MAP2K3: variants seen among roughly 807,000 people sequenced by gnomAD.
MAP2K3 encodes mitogen-activated protein kinase kinase 3.
Under a neutral mutation model 46.4 loss-of-function variants are expected in MAP2K3, and 30 were observed. The ratio of observed to expected loss-of-function variants is 0.65; its 90% CI spans 0.48 to 0.88. The LOEUF is 0.88. Among genes scored for constraint, MAP2K3 ranks in the 40% least tolerant of loss-of-function variants. The pLI is 0.00. For missense variants in MAP2K3, 380 were observed against 464.5 expected (o/e 0.82, Z 1.67); for synonymous variants, 189 against 176.3 (o/e 1.07, Z -0.57).
intron 1 of MAP2K3, chr17:21,291,852 T>G: frequency 3.0e-6 from 1 of 336,436 alleles, no homozygotes; most frequent in Non-Finnish European, 5.8e-6. Flanking sequence ...GGAGCATGGC[T>G]TTGTCTTTAC....
At chr17:21,301,997 G>T (rs1340718432) in intron 5 of MAP2K3, 146 bp from the exon 6 acceptor site, 2 of 788,684 alleles carry the variant, frequency 2.5e-6, no homozygotes, top group East Asian at 5.2e-5. Flanking sequence ...GTGGGTGGTG[G>T]GTGGGAGCCC....
At chr17:21,292,846 C>T (rs1976020017) in intron 1 of MAP2K3, among the ~76,000 whole-genome samples, 1 of 152,312 alleles carries the variant, frequency 6.6e-6, no homozygotes, top group Admixed American at 6.5e-5. Flanking sequence ...CTTCCTGTCC[C>T]TGGGAGGCCA....
intron 1 of MAP2K3, among the ~76,000 whole-genome samples, chr17:21,293,842 T>G (rs1976085633): frequency 6.6e-6 from 1 of 152,312 alleles, no homozygotes; most frequent in Non-Finnish European, 1.5e-5. Context: ...GGCACTTGGT[T>G]AGATGGGAGA....
chr17:21,310,476 CAG>C (rs1432296815), intron 9 of MAP2K3, among the ~76,000 whole-genome samples: 1 of 152,152 alleles, frequency 6.6e-6, no homozygotes, highest in Non-Finnish European at 1.5e-5. Context: ...ACTGATGAAA[CAG>C]AGTCGGGAGA....
At chr17:21,287,968 C>G in intron 1 of MAP2K3, 1 of 1,230,660 alleles carries the variant, frequency 8.1e-7, no homozygotes, top group Non-Finnish European at 1.1e-6. Flanking sequence ...GGGGACTTCC[C>G]CCACCCCTCT....
At chr17:21,303,303 CG>C in intron 7 of MAP2K3, 69 bp downstream of exon 7, 1 of 1,605,816 alleles carries the variant, frequency 6.2e-7, no homozygotes, top group Non-Finnish European at 8.5e-7. Context: ...GGCGGGTGGA[CG>C]TCTCCCTATG....
intron 9 of MAP2K3, among the ~76,000 whole-genome samples, chr17:21,306,825 G>C (rs1976910524): frequency 6.6e-6 from 1 of 152,302 alleles, no homozygotes; most frequent in Admixed American, 6.5e-5. Context: ...TCACTCTGTT[G>C]CTCAGGCTGG....
At chr17:21,290,075 C>T (rs1380496285) in intron 1 of MAP2K3, among the ~76,000 whole-genome samples, 2 of 152,236 alleles carry the variant, frequency 1.3e-5, no homozygotes, top group African/African-American at 4.8e-5. Context: ...CAAGGGCTTC[C>T]AAGGCCCGTC....
intron 7 of MAP2K3, 58 bp downstream of exon 7, chr17:21,303,292 A>C (rs991388611): frequency 3.1e-6 from 5 of 1,610,900 alleles, no homozygotes. Flanking sequence ...TCCCAGGCCA[A>C]GGCGGGTGGA....
At chr17:21,313,140 C>T (rs1977242692) in intron 10 of MAP2K3, among the ~76,000 whole-genome samples, 1 of 152,322 alleles carries the variant, frequency 6.6e-6, no homozygotes, top group Non-Finnish European at 1.5e-5. Context: ...GGACTAACTT[C>T]TCCCAGAACC....
At chr17:21,294,599 C>T (rs897549036) in intron 1 of MAP2K3, among the ~76,000 whole-genome samples, 14 of 152,420 alleles carry the variant, frequency 9.2e-5, no homozygotes, top group African/African-American at 3.4e-4. Context: ...AGACGCCCAC[C>T]GTGTGGCCTC....
intron 9 of MAP2K3, among the ~76,000 whole-genome samples, chr17:21,307,287 C>G (rs1489232939): frequency 6.6e-6 from 1 of 152,310 alleles, no homozygotes; most frequent in Non-Finnish European, 1.5e-5. Context: ...TCCTGTCACT[C>G]AGGAAATTCC....
At chr17:21,286,087 T>A (rs890189174) in intron 1 of MAP2K3, among the ~76,000 whole-genome samples, 6 of 152,080 alleles carry the variant, frequency 3.9e-5, no homozygotes, top group African/African-American at 1.4e-4. Flanking sequence ...TCCTTTTCTG[T>A]AAATTGGAAG....
At position 21,300,334 on chromosome 17, in the gene MAP2K3, G is replaced by C. The variant is rs967193688; in HGVS notation, c.166-211G>C. 6 of 606,936 alleles carry C rather than the reference G, an allele frequency of 9.9e-6. No homozygotes were observed. In the East Asian group the frequency reaches 1.1e-4, roughly 11 times the overall value. The allele number at this position is 606,936 out of a possible 1,614,324, so 37.6% of individuals were successfully genotyped here. A position where few individuals can be genotyped will look rare whatever the true frequency, so the allele number is the denominator to read the frequency against. On this transcript the variant is annotated intron_variant, in intron 3 of 11. Transcript: ENST00000342679. ...CACTCCATAGCAGCCTTGGGGTGTT[G>C]GCACTGTGCCTGTTTTATAGAGGGC...
intron 1 of MAP2K3, among the ~76,000 whole-genome samples, chr17:21,293,725 T>C (rs1976078445): frequency 1.3e-5 from 2 of 152,306 alleles, no homozygotes; most frequent in East Asian, 1.9e-4. Context: ...TGGTCACTCC[T>C]CCTCACCCTA....
chr17:21,296,093 G>A, intron 1 of MAP2K3: 1 of 1,289,406 alleles, frequency 7.8e-7, no homozygotes, highest in South Asian at 1.2e-5. Flanking sequence ...CAGAGAGGCT[G>A]GTCATATCCA....
rs532118905 is a variant in MAP2K3, at chr17:21,307,900, G to T, written c.774+2772G>T. 2.2e-5 allele frequency among the ~76,000 whole-genome samples: 3 copies of T among 137,490 alleles called. No homozygotes were observed. The Admixed American group carries it at 2.5e-4, about 12-fold the overall frequency. 90.2% of individuals were successfully genotyped at this position (137,490 alleles called of 152,430 possible). Reference sequence around the variant, plus strand: ...AGACGGAGTTGCACTCTGTTGCCTAGCCTGGAGTGCAATGGCATGATCTCA... The same window carrying T: ...AGACGGAGTTGCACTCTGTTGCCTATCCTGGAGTGCAATGGCATGATCTCA... On this transcript the variant is annotated intron_variant, in intron 9 of 11. Transcript: ENST00000342679.
In MAP2K3 at chr17:21,303,243, C is replaced by A; in HGVS notation, c.568+9C>A. On this transcript the variant is annotated intron_variant, in intron 7 of 11. Coordinates refer to ENST00000342679, the MANE Select transcript of MAP2K3 (RefSeq NM_145109.3). ...GTCGGTGATCCACAGAGGTCAGTGC[C>A]CGGCAGCCACCCAGGCACGGTGTAG... 1 of 1,614,028 alleles carries A rather than the reference C, an allele frequency of 6.2e-7. No individual in the cohort carries two copies. Among genetic ancestry groups the A allele is most frequent in the Non-Finnish European group, 8.5e-7 (1 of 1,180,028 alleles).
Position 21,297,548 on chromosome 17 carries a change from C to T in MAP2K3, c.50-865C>T, listed in dbSNP as rs1033392772. On this transcript the variant is annotated intron_variant, in intron 1 of 11. Transcript: ENST00000342679. ...CTGGCATCTCTGATCCTTGCTTCTC[C>T]TGCCTGTGGAATGGCGGCTATGCCT... Among the ~76,000 whole-genome samples the T allele has an allele frequency of 1.1e-4, 17 of 152,422 alleles. No individual in the cohort carries two copies. In the East Asian group the frequency reaches 3.3e-3, roughly 29 times the overall value.
Sources: allele counts gnomAD v4.1 joint callset (sites outside exome capture counted in the v4.1 genomes callset), GRCh38; gene constraint gnomAD v4.1.1; transcripts MANE v1.5; gene names NCBI Gene and HGNC (gene_info 2026-07-23, HGNC 2026-07-21).